The following SLCO1B3 variants were observed in gnomAD, a reference collection of about 807,000 sequenced individuals.
The protein encoded by SLCO1B3 is solute carrier organic anion transporter family member 1B3, also known as liver-specific organic anion transporter 2.
Under a neutral mutation model 71.8 loss-of-function variants are expected in SLCO1B3, and 72 were observed. That is an observed-to-expected ratio of 1.00 (90% CI 0.83 to 1.22). The LOEUF is 1.22. Ranked by LOEUF, SLCO1B3 falls within the 50% of genes most tolerant of loss-of-function variation. The probability of loss-of-function intolerance (pLI) is 0.00; values close to 1 mark genes in which losing one functional copy is unlikely to be tolerated. For synonymous variants in SLCO1B3, 298 were observed against 278.4 expected, an observed-to-expected ratio of 1.07 and a Z score of -0.70; for missense variants, 911 against 819.7, an observed-to-expected ratio of 1.11 and a Z score of -1.36.
chr12:20,899,384 C>G (rs1191498503), intron 14 of SLCO1B3, among the ~76,000 whole-genome samples: 1 of 152,126 alleles, frequency 6.6e-6, no homozygotes, highest in Non-Finnish European at 1.5e-5. Flanking sequence ...TAGGTAACCA[C>G]TGATGGCAGA....
chr12:20,842,576 G>A (rs1401082998), intron 3 of SLCO1B3, among the ~76,000 whole-genome samples: 1 of 151,870 alleles, frequency 6.6e-6, no homozygotes, highest in Admixed American at 6.6e-5. Flanking sequence ...CTGTTATCAA[G>A]ATCGCATATT....
chr12:20,890,126 C>T (rs1865875506), intron 13 of SLCO1B3, among the ~76,000 whole-genome samples: 2 of 151,828 alleles, frequency 1.3e-5, no homozygotes, highest in Non-Finnish European at 2.9e-5. Flanking sequence ...ACCATGTTGG[C>T]CAGGCTGGTC....
At chr12:20,903,978 G>C (rs1269171791) in intron 15 of SLCO1B3, among the ~76,000 whole-genome samples, 2 of 152,116 alleles carry the variant, frequency 1.3e-5, no homozygotes, top group Non-Finnish European at 2.9e-5. Flanking sequence ...GGTGGCTCAT[G>C]CCTGTAATCC....
chr12:20,830,496 C>T (rs1000639618), intron 3 of SLCO1B3, among the ~76,000 whole-genome samples: 5 of 152,030 alleles, frequency 3.3e-5, no homozygotes, highest in Admixed American at 1.3e-4. Context: ...GCATCTTGCA[C>T]TTAGTAAACT....
intron 8 of SLCO1B3, among the ~76,000 whole-genome samples, chr12:20,869,042 A>G (rs938505463): frequency 6.6e-6 from 1 of 152,170 alleles, no homozygotes; most frequent in African/African-American, 2.4e-5. Flanking sequence ...GAAGCACAGC[A>G]TCACAGGGAG....
chr12:20,873,898 C>T (rs1865526440), intron 8 of SLCO1B3, among the ~76,000 whole-genome samples: 1 of 152,102 alleles, frequency 6.6e-6, no homozygotes, highest in Non-Finnish European at 1.5e-5. Context: ...AAGATAATGG[C>T]TTTCAGCTTC....
intron 1 of SLCO1B3, among the ~76,000 whole-genome samples, chr12:20,811,065 G>T (rs1864102456): frequency 6.6e-6 from 1 of 152,068 alleles, no homozygotes; most frequent in Non-Finnish European, 1.5e-5. Context: ...CTGAAAGGAT[G>T]GACTTCTAGT....
intron 3 of SLCO1B3, among the ~76,000 whole-genome samples, chr12:20,824,342 A>G (rs1864379344): frequency 6.6e-6 from 1 of 152,240 alleles, no homozygotes; most frequent in Non-Finnish European, 1.5e-5. Flanking sequence ...ACTTATTAAT[A>G]CATGAGCTCT....
At chr12:20,822,557 C>G (rs117701375) in intron 3 of SLCO1B3, among the ~76,000 whole-genome samples, 3 of 152,036 alleles carry the variant, frequency 2.0e-5, no homozygotes, top group African/African-American at 4.8e-5. Context: ...CAGGCCATCT[C>G]GGCGTATACG....
chr12:20,819,265 G>A (rs577030758), intron 3 of SLCO1B3, among the ~76,000 whole-genome samples: 33 of 152,222 alleles, frequency 2.2e-4, no homozygotes, highest in Admixed American at 1.1e-3. Context: ...GAGATTAATC[G>A]GACACGATCA....
At position 20,820,258 on chromosome 12, in the gene SLCO1B3, T is replaced by A. The variant is rs563698399; in HGVS notation, c.84+4436T>A. 1.1e-3 allele frequency among the ~76,000 whole-genome samples: 165 copies of A among 152,216 alleles called. 4 individuals carry two copies. In the South Asian group the frequency reaches 0.033, roughly 30 times the overall value. ...ATGGTCTATGGGGCTTCTGAGGTGA[T>A]CAGGCAGCATCAGTCTTCAGCCGCT... On this transcript the variant is annotated intron_variant, in intron 3 of 15. Transcript: ENST00000381545.
chr12:20,834,399 TATATA>T (rs900867622), intron 3 of SLCO1B3, among the ~76,000 whole-genome samples: 13 of 146,464 alleles, frequency 8.9e-5, no homozygotes, highest in African/African-American at 3.2e-4. Context: ...ATATAGGTTA[TATATA>T]ATATAACCTT....
intron 3 of SLCO1B3, among the ~76,000 whole-genome samples, chr12:20,829,137 A>G (rs1057470132): frequency 7.2e-5 from 11 of 152,258 alleles, no homozygotes; most frequent in Non-Finnish European, 1.5e-4. Context: ...ACAAAAACAA[A>G]CAAACAAAAA....
chr12:20,902,292 A>T (rs547193457), intron 15 of SLCO1B3: 19 of 155,274 alleles, frequency 1.2e-4, no homozygotes, highest in Admixed American at 4.5e-4. Flanking sequence ...CTAGTAGTGT[A>T]TAAGCGTTCC....
rs116715171 is a variant in SLCO1B3 at position 20,890,899 on chromosome 12, G to A, written c.1682+7297G>A. 6.5e-3 allele frequency among the ~76,000 whole-genome samples: 982 copies of A among 152,108 alleles called. 6 individuals carry two copies. The highest frequency in any genetic ancestry group is 0.022 in the African/African-American group (897 of 41,512). On this transcript the variant is annotated intron_variant, in intron 13 of 15. Transcript: ENST00000381545. ...ACCCCTTTGGTTTGAGTCTGAAAAGGTCTTTACCAGTTACTTGAGTTAGGT... is the reference window on the plus strand; with the variant it reads ...ACCCCTTTGGTTTGAGTCTGAAAAGATCTTTACCAGTTACTTGAGTTAGGT...
intron 3 of SLCO1B3, among the ~76,000 whole-genome samples, chr12:20,826,978 G>C (rs576302669): frequency 6.6e-6 from 1 of 152,102 alleles, no homozygotes; most frequent in Non-Finnish European, 1.5e-5. Flanking sequence ...AAAGTTATTT[G>C]TCTGTTAATC....
intron 13 of SLCO1B3, among the ~76,000 whole-genome samples, chr12:20,896,727 C>T (rs1317821903): frequency 2.0e-5 from 3 of 152,154 alleles, no homozygotes; most frequent in African/African-American, 7.2e-5. Context: ...TTTCAGGTAT[C>T]TTTTTAGCAA....
intron 6 of SLCO1B3, among the ~76,000 whole-genome samples, chr12:20,861,458 A>G (rs1865263705): frequency 6.6e-6 from 1 of 151,908 alleles, no homozygotes. Flanking sequence ...AAATTTGTGT[A>G]CATATGAGTT....
chr12:20,864,357 A>G lies in SLCO1B3; in HGVS notation c.727+1503A>G, dbSNP rs1255832908. The stretch of plus-strand genomic sequence containing the variant: ...AATCGTGTCTGTGTTAGCATATAAT[A>G]ACTCATCAGGGTTTGTGAATAAACA... On this transcript the variant is annotated intron_variant, in intron 8 of 15. Coordinates refer to ENST00000381545, the MANE Select transcript of SLCO1B3 (RefSeq NM_019844.4). Among the ~76,000 whole-genome samples the G allele has an allele frequency of 5.3e-5, 8 of 152,280 alleles. No homozygotes were observed. The South Asian group carries it at 1.4e-3, about 28-fold the overall frequency.
Sources: gnomAD v4.1 joint callset for allele counts (sites outside exome capture counted in the v4.1 genomes callset) on GRCh38, gnomAD v4.1.1 for gene constraint, MANE v1.5 for transcripts, NCBI Gene and HGNC (gene_info 2026-07-23, HGNC 2026-07-21) for gene names.